AMPD3: variants seen among roughly 807,000 people sequenced by gnomAD.
AMPD3 encodes AMP deaminase 3.
In AMPD3, 57 loss-of-function variants were observed where a neutral mutation model predicts 82.3. The observed-to-expected ratio is 0.69, with a 90% confidence interval of 0.56 to 0.86. The LOEUF (loss-of-function observed/expected upper bound fraction) is 0.86, where lower values mean the gene tolerates loss of function less well. Ranked by LOEUF, AMPD3 falls within the 40% of genes least tolerant of loss-of-function variation. The pLI is 0.00. For missense variants in AMPD3, 870 were observed against 1,003.8 expected, an observed-to-expected ratio of 0.87 and a Z score of 1.80; for synonymous variants, 381 against 394.7, an observed-to-expected ratio of 0.97 and a Z score of 0.41.
At position 10,505,597 on chromosome 11, in the gene AMPD3, G is replaced by A. The variant is rs188781327; in HGVS notation, c.2128-111G>A. The A allele has an allele frequency of 9.4e-3, 14,448 of 1,536,756 alleles. 136 individuals are homozygous for A. The highest frequency in any genetic ancestry group is 0.039 in the South Asian group (3,304 of 83,790). The stretch of plus-strand genomic sequence containing the variant: ...GATAAGATGTCCTGACCAAAGATCT[G>A]CTTCAGGGGGACTAGTCTGACTTGC... On this transcript the variant is annotated intron_variant, in intron 14 of 14. Coordinates refer to ENST00000396553, the MANE Select transcript of AMPD3 (RefSeq NM_001025389.2).
Position 10,496,876 on chromosome 11 carries a change from C to A in AMPD3, c.1495C>A (p.Pro499Thr). Reference protein sequence around the residue: ...FGKMLENIFLPLFKATINPQD... With the variant: ...FGKMLENIFLTLFKATINPQD... The stretch of plus-strand genomic sequence containing the variant: ...GAAGATGCTGGAGAACATCTTCCTG[C>A]CCCTTTTCAAGGCCACTATCAACCC... The change falls in exon 10 of 15, where the codon CCC becomes ACC. Residue 499 changes from proline to threonine, a missense_variant. Physicochemically the swap from Pro to Thr is conservative, Grantham distance 38. Coordinates refer to ENST00000396553, the MANE Select transcript of AMPD3 (RefSeq NM_001025389.2). 1 of 1,614,036 alleles carries A rather than the reference C, an allele frequency of 6.2e-7. No homozygotes were observed. Among genetic ancestry groups the A allele is most frequent in the Non-Finnish European group, 8.5e-7 (1 of 1,179,924 alleles).
At chr11:10,469,018 T>G (rs1327108749) in intron 2 of AMPD3, among the ~76,000 whole-genome samples, 1 of 152,202 alleles carries the variant, frequency 6.6e-6, no homozygotes, top group Non-Finnish European at 1.5e-5. Context: ...TTTATAGCAC[T>G]AAATGTCCAC....
At chr11:10,450,842 C>T, upstream of AMPD3, 5 of 1,198,264 alleles carry the variant, frequency 4.2e-6, no homozygotes, top group Non-Finnish European at 5.2e-6. Context: ...CCCGCGGGGC[C>T]CTCCTGGCCG....
intron 2 of AMPD3, chr11:10,477,869 C>T: frequency 1.0e-6 from 1 of 985,228 alleles, no homozygotes; most frequent in Non-Finnish European, 1.2e-6. Context: ...ATCTCCTTGG[C>T]ACCCAGTAGG....
intron 2 of AMPD3, among the ~76,000 whole-genome samples, chr11:10,475,423 T>C (rs901649953): frequency 6.6e-6 from 1 of 152,090 alleles, no homozygotes; most frequent in African/African-American, 2.4e-5. Flanking sequence ...TCGCACACCC[T>C]CTGACACTTA....
At chr11:10,496,494 G>A in intron 9 of AMPD3, 1 of 985,416 alleles carries the variant, frequency 1.0e-6, no homozygotes, top group Non-Finnish European at 1.2e-6. Flanking sequence ...CAGAATGTTT[G>A]GGTCACTGGG....
rs527260375 is a variant in AMPD3 at position 10,461,503 on chromosome 11, T to G, written c.-5-12T>G. On this transcript the variant is annotated splice_polypyrimidine_tract_variant and intron_variant, in intron 1 of 14. Transcript: ENST00000396553. The stretch of plus-strand genomic sequence containing the variant: ...GGCATCCTGCAATTCATGCTTGTTC[T>G]TTCTTTGCTAGCTGAGATGCCGCGG... 3 of 1,614,214 alleles carry G rather than the reference T, an allele frequency of 1.9e-6. No individual in the cohort carries two copies. The South Asian group carries it at 3.3e-5, about 18-fold the overall frequency.
chr11:10,455,291 G>C lies in AMPD3; in HGVS notation c.-163G>C, dbSNP rs1848060557. 1.0e-6 allele frequency: 1 copy of C among 985,368 alleles called. No individual in the cohort carries two copies. Among genetic ancestry groups the C allele is most frequent in the Non-Finnish European group, 1.2e-6 (1 of 829,982 alleles). 61.0% of individuals were successfully genotyped at this position (985,368 alleles called of 1,614,324 possible). Reference sequence around the variant, plus strand: ...TCTCCTAAAGGGCAGATGAAGATCAGAGCTTTGCACCCTGTGATGCCATTT... The same window carrying C: ...TCTCCTAAAGGGCAGATGAAGATCACAGCTTTGCACCCTGTGATGCCATTT... On this transcript the variant is annotated 5_prime_UTR_variant, in exon 1 of 15. Coordinates refer to ENST00000396553, the MANE Select transcript of AMPD3 (RefSeq NM_001025389.2).
At chr11:10,455,234 G>A, upstream of AMPD3, 1 of 985,426 alleles carries the variant, frequency 1.0e-6, no homozygotes, top group Non-Finnish European at 1.2e-6. Flanking sequence ...TAAGTCACTG[G>A]GAGGCTATGT....
At chr11:10,454,679 A>T (rs1848042722), upstream of AMPD3, among the ~76,000 whole-genome samples, 1 of 152,194 alleles carries the variant, frequency 6.6e-6, no homozygotes, top group Non-Finnish European at 1.5e-5. Flanking sequence ...AAAGGTGCAG[A>T]ATAAAATTCC....
chr11:10,488,692 T>G, intron 6 of AMPD3, among the ~76,000 whole-genome samples: 3 of 151,022 alleles, frequency 2.0e-5, no homozygotes, highest in Non-Finnish European at 3.0e-5. Context: ...GGGGGAAGAG[T>G]CGGGATCAGG....
At chr11:10,493,599 C>A in intron 7 of AMPD3, 56 bp downstream of exon 7, 3 of 1,587,042 alleles carry the variant, frequency 1.9e-6, no homozygotes, top group South Asian at 1.1e-5. Flanking sequence ...GCTGGGGACT[C>A]AGCCCCCTGG....
At chr11:10,473,661 G>A in intron 2 of AMPD3, 1 of 940,298 alleles carries the variant, frequency 1.1e-6, no homozygotes, top group Non-Finnish European at 1.3e-6. Context: ...CTCTCTGTAG[G>A]GACCCCTGTT....
intron 7 of AMPD3, 48 bp downstream of exon 7, chr11:10,493,591 TG>T: frequency 2.5e-6 from 4 of 1,597,886 alleles, no homozygotes; most frequent in African/African-American, 1.3e-5. Flanking sequence ...CAGCCCTGGC[TG>T]GGGACTCAGC....
In AMPD3 at chr11:10,503,392, A is replaced by G. The variant is rs559734277; in HGVS notation, c.2016+498A>G. The stretch of plus-strand genomic sequence containing the variant: ...GAGGAAGCTAACAGTGGTGTCATGC[A>G]TGGGGACTAGCCGCAAGTATACCCA... On this transcript the variant is annotated intron_variant, in intron 13 of 14. Coordinates refer to ENST00000396553, the MANE Select transcript of AMPD3 (RefSeq NM_001025389.2). Among the ~76,000 whole-genome samples the G allele has an allele frequency of 1.0e-3, 153 of 152,354 alleles. 2 individuals carry two copies. In the South Asian group the frequency reaches 0.03, roughly 30 times the overall value.
chr11:10,466,450 C>T (rs12802491), intron 2 of AMPD3, among the ~76,000 whole-genome samples: 3,539 of 152,204 alleles, frequency 0.023, 58 homozygotes, highest in Middle Eastern at 0.054. Context: ...TGGAACCCAC[C>T]GCAGCTCAGC....
intron 11 of AMPD3, 108 bp from the exon 12 acceptor site, chr11:10,501,362 A>G: frequency 6.5e-7 from 1 of 1,535,468 alleles, no homozygotes; most frequent in Non-Finnish European, 8.8e-7. Context: ...AGCACAGCTG[A>G]CCATGGGTGG....
chr11:10,460,800 C>G (rs1848246825), intron 1 of AMPD3: 4 of 772,010 alleles, frequency 5.2e-6, no homozygotes, highest in Non-Finnish European at 6.3e-6. Context: ...TGAAACCCAA[C>G]CAACCAAGCA....
intron 7 of AMPD3, 57 bp from the exon 8 acceptor site, chr11:10,494,842 G>C: frequency 6.3e-7 from 1 of 1,587,742 alleles, no homozygotes; most frequent in Non-Finnish European, 8.6e-7. Flanking sequence ...TCTAGAGAGG[G>C]GAACGTGCAT....
Sources: gnomAD v4.1 joint callset for allele counts (sites outside exome capture counted in the v4.1 genomes callset) on GRCh38, gnomAD v4.1.1 for gene constraint, MANE v1.5 for transcripts, NCBI Gene and HGNC (gene_info 2026-07-23, HGNC 2026-07-21) for gene names.